FBRSL1: variants seen among roughly 807,000 people sequenced by gnomAD.
FBRSL1 encodes the protein fibrosin-1-like protein.
FBRSL1 carries 51 observed loss-of-function variants against 89.6 expected under a neutral mutation model. The ratio of observed to expected loss-of-function variants is 0.57; its 90% CI spans 0.45 to 0.72. The LOEUF (loss-of-function observed/expected upper bound fraction) is 0.72, where lower values mean the gene tolerates loss of function less well. FBRSL1 is among the 30% of genes least tolerant of loss of function. The pLI, the probability that FBRSL1 is intolerant of heterozygous loss-of-function variation, is 0.00. For synonymous variants in FBRSL1, 779 were observed against 681.1 expected (o/e 1.14, Z -2.24); for missense variants, 1,618 against 1,451.8 (o/e 1.11, Z -1.86).
chr12:132,576,997 C>T, intron 15 of FBRSL1, 66 bp downstream of exon 15: 1 of 1,508,058 alleles, frequency 6.6e-7, no homozygotes, highest in South Asian at 1.3e-5. Context: ...CTGAGCCTGC[C>T]TTCCTGTGCC....
At chr12:132,551,351 A>G in intron 5 of FBRSL1, 1 of 448,310 alleles carries the variant, frequency 2.2e-6, no homozygotes, top group South Asian at 1.6e-5. Flanking sequence ...TGGGCAGAAG[A>G]TGGAGAAGCC....
chr12:132,517,383 G>A (rs1447367353), intron 2 of FBRSL1, among the ~76,000 whole-genome samples: 1 of 152,222 alleles, frequency 6.6e-6, no homozygotes, highest in Admixed American at 6.5e-5. Flanking sequence ...TCCGGGGCGA[G>A]CATGGCCACC....
In FBRSL1 at chr12:132,507,379, C is replaced by T. The variant is rs538665939; in HGVS notation, c.292-774C>T. The T allele has an allele frequency of 2.5e-5, 25 of 985,488 alleles. No homozygotes were observed. The South Asian group carries it at 1.0e-3, about 41-fold the overall frequency. The allele number at this position is 985,488 out of a possible 1,614,324, so 61.0% of individuals were successfully genotyped here. ...GCCCTGGTGCCAGGAGCTGAGCCAG[C>T]ATACAGAAGGTGCTTACTAGTGGTT... On this transcript the variant is annotated intron_variant, in intron 1 of 18. Transcript: ENST00000680143.
chr12:132,568,191 A>G (rs916379653), intron 6 of FBRSL1, among the ~76,000 whole-genome samples: 20 of 152,206 alleles, frequency 1.3e-4, no homozygotes, highest in African/African-American at 4.3e-4. Flanking sequence ...TCCCACACCA[A>G]GGCCTAGGCG....
At chr12:132,492,107 T>C (rs2031117683) in intron 1 of FBRSL1, among the ~76,000 whole-genome samples, 1 of 152,200 alleles carries the variant, frequency 6.6e-6, no homozygotes, top group Non-Finnish European at 1.5e-5. Context: ...TGAGCAATAC[T>C]GCAAGCCAGG....
At chr12:132,539,962 C>T (rs866466439) in intron 4 of FBRSL1, among the ~76,000 whole-genome samples, 15 of 3,950 alleles carry the variant, frequency 3.8e-3, no homozygotes, top group African/African-American at 8.6e-3. Context: ...CCCACCCAGT[C>T]CTGCCCTCCA....
chr12:132,514,412 G>A (rs1297268380), intron 2 of FBRSL1, among the ~76,000 whole-genome samples: 1 of 152,228 alleles, frequency 6.6e-6, no homozygotes, highest in Non-Finnish European at 1.5e-5. Flanking sequence ...CAGGACCGCA[G>A]TACCAGACTG....
rs1391968266 is a variant in FBRSL1 at position 132,490,453 on chromosome 12, C to T, written c.-118C>T. 1 of 723,520 alleles carries T rather than the reference C, an allele frequency of 1.4e-6. No individual in the cohort carries two copies. Among genetic ancestry groups the T allele is most frequent in the South Asian group, 6.4e-5 (1 of 15,536 alleles). The allele number at this position is 723,520 out of a possible 1,614,324, so 44.8% of individuals were successfully genotyped here. A position where few individuals can be genotyped will look rare whatever the true frequency, so the allele number is the denominator to read the frequency against. On this transcript the variant is annotated 5_prime_UTR_variant, in exon 1 of 19. Coordinates refer to ENST00000680143, the MANE Select transcript of FBRSL1 (RefSeq NM_001367871.1). Reference sequence around the variant, plus strand: ...GCCCGCCGCCCGCCGCCGCCCAGGGCCCGAGCCCGCGCGGCGCACACTCAG... The same window carrying T: ...GCCCGCCGCCCGCCGCCGCCCAGGGTCCGAGCCCGCGCGGCGCACACTCAG...
At position 132,542,036 on chromosome 12, in the gene FBRSL1, C is replaced by T. The variant is rs1000568733; in HGVS notation, c.616-5967C>T. Among the ~76,000 whole-genome samples the T allele has an allele frequency of 5.3e-5, 8 of 152,256 alleles. No homozygotes were observed. In the East Asian group the frequency reaches 7.7e-4, roughly 15 times the overall value. ...GCAGGTGGTCCTTTTCCCCACTCGG[C>T]GGCACGTGGCTCTGTGGCAGGTCCT... On this transcript the variant is annotated intron_variant, in intron 4 of 18. Transcript: ENST00000680143.
intron 1 of FBRSL1, among the ~76,000 whole-genome samples, chr12:132,496,294 C>T (rs1033198815): frequency 1.3e-5 from 2 of 152,222 alleles, no homozygotes; most frequent in Non-Finnish European, 2.9e-5. Context: ...CGCCATATCC[C>T]GCCTTTGTGT....
At chr12:132,532,698 G>A (rs151039475) in intron 4 of FBRSL1, among the ~76,000 whole-genome samples, 38 of 152,116 alleles carry the variant, frequency 2.5e-4, no homozygotes, top group South Asian at 6.2e-4. Context: ...TGTCCCAGGC[G>A]GGGTGTTAAG....
At chr12:132,493,794 T>G (rs1224927669) in intron 1 of FBRSL1, among the ~76,000 whole-genome samples, 3 of 152,182 alleles carry the variant, frequency 2.0e-5, no homozygotes, top group Admixed American at 6.5e-5. Flanking sequence ...TGTGCTCCTG[T>G]AGGGGAGGAG....
At chr12:132,512,217 C>T (rs1378675656) in intron 2 of FBRSL1, among the ~76,000 whole-genome samples, 1 of 152,262 alleles carries the variant, frequency 6.6e-6, no homozygotes, top group East Asian at 1.9e-4. Context: ...GGTCGAGACC[C>T]CCCTCTCGGC....
At position 132,584,054 on chromosome 12, in the gene FBRSL1, A is replaced by G. The variant is rs1392442333; in HGVS notation, c.*276A>G. 1 of 182,438 alleles carries G rather than the reference A, an allele frequency of 5.5e-6. No homozygotes were observed. Among genetic ancestry groups the G allele is most frequent in the Non-Finnish European group, 1.1e-5 (1 of 87,998 alleles). The allele number at this position is 182,438 out of a possible 1,614,324, so 11.3% of individuals were successfully genotyped here. On this transcript the variant is annotated 3_prime_UTR_variant, in exon 19 of 19. Transcript: ENST00000680143. ...ATGGATTTGTATTTTTCTTAATTTTATGCTCTTTAGACGTTTAAAAGAACC... is the reference window on the plus strand; with the variant it reads ...ATGGATTTGTATTTTTCTTAATTTTGTGCTCTTTAGACGTTTAAAAGAACC...
chr12:132,542,068 CCCACATG>C (rs2037312752), intron 4 of FBRSL1, among the ~76,000 whole-genome samples: 1 of 152,250 alleles, frequency 6.6e-6, no homozygotes, highest in South Asian at 2.1e-4. Context: ...TCCTGAGGCA[CCCACATG>C]CCACGTACAG....
At chr12:132,497,151 A>G (rs1191970190) in intron 1 of FBRSL1, among the ~76,000 whole-genome samples, 4 of 152,200 alleles carry the variant, frequency 2.6e-5, no homozygotes, top group African/African-American at 9.7e-5. Context: ...GTAACGTCAA[A>G]ATGGCATAAG....
At chr12:132,519,914 A>C (rs1174226867) in intron 2 of FBRSL1, among the ~76,000 whole-genome samples, 1 of 151,576 alleles carries the variant, frequency 6.6e-6, no homozygotes, top group Admixed American at 6.6e-5. Flanking sequence ...AAAAAAAAAA[A>C]AAAAGTGGCT....
intron 4 of FBRSL1, among the ~76,000 whole-genome samples, chr12:132,544,939 G>A (rs1293012076): frequency 3.3e-5 from 5 of 152,208 alleles, no homozygotes; most frequent in Admixed American, 6.5e-5. Flanking sequence ...CACTGCCTTA[G>A]TGCTTTGCAC....
At chr12:132,528,457 G>A (rs1240301467) in intron 4 of FBRSL1, among the ~76,000 whole-genome samples, 6 of 152,122 alleles carry the variant, frequency 3.9e-5, no homozygotes, top group African/African-American at 1.4e-4. Flanking sequence ...GCCTCACCCC[G>A]GACAGAAAGG....
Sources: allele counts gnomAD v4.1 joint callset (sites outside exome capture counted in the v4.1 genomes callset), GRCh38; gene constraint gnomAD v4.1.1; transcripts MANE v1.5; gene names NCBI Gene and HGNC (gene_info 2026-07-23, HGNC 2026-07-21).